The following STXBP6 variants were observed in gnomAD, a reference collection of about 807,000 sequenced individuals.
The protein encoded by STXBP6 is syntaxin binding protein 6.
In STXBP6, 21 loss-of-function variants were observed where a neutral mutation model predicts 26.9. The observed-to-expected ratio is 0.78, with a 90% CI of 0.55 to 1.12. STXBP6 has a LOEUF of 1.12. Ranked by LOEUF, STXBP6 falls within the 50% of genes most tolerant of loss-of-function variation. The pLI is 0.00. For missense variants in STXBP6, 232 were observed against 257.9 expected, an observed-to-expected ratio of 0.90 and a Z score of 0.69; for synonymous variants, 97 against 92.6, an observed-to-expected ratio of 1.05 and a Z score of -0.27.
intron 2 of STXBP6, among the ~76,000 whole-genome samples, chr14:24,927,906 G>A (rs1201417567): frequency 6.6e-6 from 1 of 152,008 alleles, no homozygotes; most frequent in Non-Finnish European, 1.5e-5. Flanking sequence ...TAATCAGTCA[G>A]GGATTTAATT....
intron 4 of STXBP6, among the ~76,000 whole-genome samples, chr14:24,827,098 G>A (rs1398271018): frequency 1.3e-5 from 2 of 152,168 alleles, no homozygotes; most frequent in African/African-American, 4.8e-5. Flanking sequence ...TTACTGTGGA[G>A]GCTGAGGTGG....
At chr14:24,975,061 T>C (rs1017181243) in intron 1 of STXBP6, among the ~76,000 whole-genome samples, 7 of 152,154 alleles carry the variant, frequency 4.6e-5, no homozygotes, top group Non-Finnish European at 8.8e-5. Context: ...GGGGTACTTA[T>C]TTACTTCCCA....
intron 1 of STXBP6, chr14:25,010,699 C>T (rs895615424): frequency 6.6e-6 from 1 of 152,164 alleles, no homozygotes; most frequent in African/African-American, 2.4e-5. Context: ...CTGGCATTCC[C>T]CAGCTGTAAG....
intron 2 of STXBP6, among the ~76,000 whole-genome samples, chr14:24,901,044 C>G (rs1278396775): frequency 1.3e-5 from 2 of 152,094 alleles, no homozygotes; most frequent in East Asian, 3.9e-4. Context: ...AAGCAAGAAT[C>G]TCATATTAAA....
At chr14:24,929,231 G>A (rs1287974255) in intron 2 of STXBP6, among the ~76,000 whole-genome samples, 1 of 152,196 alleles carries the variant, frequency 6.6e-6, no homozygotes, top group African/African-American at 2.4e-5. Context: ...AGATGAACCT[G>A]TTCTAAAATC....
chr14:24,919,606 GAGGAGTTATT>G (rs2071907877), intron 2 of STXBP6, among the ~76,000 whole-genome samples: 1 of 151,562 alleles, frequency 6.6e-6, no homozygotes, highest in Admixed American at 6.6e-5. Context: ...TGGTATCTAA[GAGGAGTTATT>G]TTGCGCTACA....
At chr14:25,028,804 T>TG (rs2075396800) in intron 1 of STXBP6, among the ~76,000 whole-genome samples, 1 of 152,044 alleles carries the variant, frequency 6.6e-6, no homozygotes, top group Admixed American at 6.6e-5. Flanking sequence ...TTGTGATTCA[T>TG]GGGGGGAGGT....
At chr14:24,900,662 G>T (rs184247990) in intron 2 of STXBP6, among the ~76,000 whole-genome samples, 1 of 152,286 alleles carries the variant, frequency 6.6e-6, no homozygotes, top group Admixed American at 6.5e-5. Flanking sequence ...CAGTTTTTCA[G>T]TGTGCTACTT....
chr14:25,045,255 T>C (rs1388660986), intron 1 of STXBP6, among the ~76,000 whole-genome samples: 6 of 152,184 alleles, frequency 3.9e-5, no homozygotes, highest in African/African-American at 9.6e-5. Context: ...TTAACTATAG[T>C]ACTTCTCATA....
chr14:24,894,107 A>C (rs1249701037), intron 2 of STXBP6, among the ~76,000 whole-genome samples: 2 of 152,216 alleles, frequency 1.3e-5, no homozygotes, highest in Non-Finnish European at 2.9e-5. Flanking sequence ...ATTAGGCAAG[A>C]CTATTAAAAT....
chr14:25,021,434 C>T (rs538363447), intron 1 of STXBP6, among the ~76,000 whole-genome samples: 7 of 152,180 alleles, frequency 4.6e-5, no homozygotes, highest in Admixed American at 4.6e-4. Context: ...CTAGTTACTG[C>T]CTTATTTATC....
At chr14:25,018,751 T>C (rs2045200059) in intron 1 of STXBP6, among the ~76,000 whole-genome samples, 1 of 152,228 alleles carries the variant, frequency 6.6e-6, no homozygotes, top group Non-Finnish European at 1.5e-5. Context: ...GATGCTGAAG[T>C]CTGTTTCTAG....
chr14:24,988,757 G>T lies in STXBP6; in HGVS notation c.-32-13907C>A, dbSNP rs2074395218. On this transcript the variant is annotated intron_variant, in intron 1 of 5. Transcript: ENST00000323944. Reference sequence around the variant, plus strand: ...CAAGGTGGAAAGCAGAGAATACTCTGCAGGGAACCATTTCTGCAAAGAACC... The same window carrying T: ...CAAGGTGGAAAGCAGAGAATACTCTTCAGGGAACCATTTCTGCAAAGAACC... Among the ~76,000 whole-genome samples the T allele has an allele frequency of 3.3e-5, 5 of 152,166 alleles. No homozygotes were observed. The South Asian group carries it at 1.0e-3, about 32-fold the overall frequency.
intron 1 of STXBP6, among the ~76,000 whole-genome samples, chr14:25,040,959 G>A (rs760424312): frequency 6.6e-6 from 1 of 152,200 alleles, no homozygotes; most frequent in Non-Finnish European, 1.5e-5. Flanking sequence ...TGGGAGAAAT[G>A]TCTACTTTAT....
chr14:24,818,968 A>G, intron 5 of STXBP6, 69 bp downstream of exon 5: 1 of 1,496,576 alleles, frequency 6.7e-7, no homozygotes, highest in Non-Finnish European at 8.9e-7. Flanking sequence ...AAATACTGAA[A>G]TAAAGTTTCT....
In STXBP6 at chr14:24,899,188, C is replaced by T. The variant is rs566685218; in HGVS notation, c.155-42031G>A. 4.6e-5 allele frequency among the ~76,000 whole-genome samples: 7 copies of T among 152,194 alleles called. No individual in the cohort carries two copies. The South Asian group carries it at 1.0e-3, about 23-fold the overall frequency. On this transcript the variant is annotated intron_variant, in intron 2 of 5. Coordinates refer to ENST00000323944, the MANE Select transcript of STXBP6 (RefSeq NM_001394410.1). Reference sequence around the variant, plus strand: ...CCAATATATATAATAACACCACAACCGTACATAAATTTGATTTCTAAATTA... The same window carrying T: ...CCAATATATATAATAACACCACAACTGTACATAAATTTGATTTCTAAATTA...
chr14:24,945,138 A>ATTTTTTTT (rs2072937195), intron 2 of STXBP6, among the ~76,000 whole-genome samples: 1 of 41,828 alleles, frequency 2.4e-5, no homozygotes, highest in African/African-American at 8.3e-5. Context: ...ACCAATTAGG[A>ATTTTTTTT]ATTTTTTTTT....
chr14:24,897,158 C>G (rs2071020767), intron 2 of STXBP6, among the ~76,000 whole-genome samples: 1 of 151,978 alleles, frequency 6.6e-6, no homozygotes, highest in African/African-American at 2.4e-5. Flanking sequence ...TGCCTGTAAT[C>G]CCAGCACTTT....
At chr14:24,975,482 A>G (rs915359971) in intron 1 of STXBP6, among the ~76,000 whole-genome samples, 7 of 152,188 alleles carry the variant, frequency 4.6e-5, no homozygotes, top group Admixed American at 1.3e-4. Flanking sequence ...GCATCTAGTT[A>G]CCATGCTCTG....
Sources: gnomAD v4.1 joint callset for allele counts (sites outside exome capture counted in the v4.1 genomes callset) on GRCh38, gnomAD v4.1.1 for gene constraint, MANE v1.5 for transcripts, NCBI Gene and HGNC (gene_info 2026-07-23, HGNC 2026-07-21) for gene names.